Variants in FRMD5 observed in about 807,000 individuals in gnomAD.
FRMD5 encodes the protein FERM domain containing 5.
Under a neutral mutation model 69.0 loss-of-function variants are expected in FRMD5, and 20 were observed. The ratio of observed to expected loss-of-function variants is 0.29; its 90% CI spans 0.20 to 0.42. FRMD5 has a LOEUF of 0.42. Among genes scored for constraint, FRMD5 ranks in the 10% least tolerant of loss-of-function variants. The probability of loss-of-function intolerance (pLI) is 1.00; values close to 1 mark genes in which losing one functional copy is unlikely to be tolerated. For synonymous variants in FRMD5, 271 were observed against 260.1 expected, an observed-to-expected ratio of 1.04 and a Z score of -0.40; for missense variants, 595 against 708.6, an observed-to-expected ratio of 0.84 and a Z score of 1.82.
chr15:43,885,037 A>G, intron 11 of FRMD5: 1 of 453,942 alleles, frequency 2.2e-6, no homozygotes, highest in Non-Finnish European at 3.9e-6. Flanking sequence ...ATTCTCATTT[A>G]GGAGTAATTC....
chr15:43,952,618 C>A (rs2090054319), intron 1 of FRMD5, among the ~76,000 whole-genome samples: 3 of 152,204 alleles, frequency 2.0e-5, no homozygotes, highest in African/African-American at 7.2e-5. Flanking sequence ...ATGAACACTG[C>A]ACTTTCTTGA....
chr15:43,971,754 T>G (rs1351674684), intron 1 of FRMD5, among the ~76,000 whole-genome samples: 1 of 151,758 alleles, frequency 6.6e-6, no homozygotes, highest in Non-Finnish European at 1.5e-5. Flanking sequence ...TTGCCCAGGC[T>G]GGAGTGCAAT....
chr15:43,951,980 TTGTGTGTGTGTGTGTGTGTCTG>T (rs1179250249), intron 1 of FRMD5, among the ~76,000 whole-genome samples: 4 of 107,710 alleles, frequency 3.7e-5, no homozygotes, highest in East Asian at 2.4e-4. Flanking sequence ...TGTGTGTGTG[TTGTGTGTGTGTGTGTGTGTCTG>T]TGTGTGTGTG....
At chr15:44,137,944 G>T (rs1268004224) in intron 1 of FRMD5, among the ~76,000 whole-genome samples, 2 of 152,134 alleles carry the variant, frequency 1.3e-5, no homozygotes, top group Non-Finnish European at 2.9e-5. Flanking sequence ...CAATAAAACA[G>T]GCAGGAGGCA....
chr15:43,966,802 T>C (rs2090302024), intron 1 of FRMD5, among the ~76,000 whole-genome samples: 1 of 152,174 alleles, frequency 6.6e-6, no homozygotes, highest in African/African-American at 2.4e-5. Flanking sequence ...AAATTAGATT[T>C]AATTCCTTGG....
At chr15:44,088,873 T>G (rs1894314129) in intron 1 of FRMD5, among the ~76,000 whole-genome samples, 1 of 152,174 alleles carries the variant, frequency 6.6e-6, no homozygotes. Flanking sequence ...CCCTGTTCAG[T>G]CTGACTACAA....
intron 1 of FRMD5, among the ~76,000 whole-genome samples, chr15:43,926,158 G>A (rs1328839155): frequency 2.0e-5 from 3 of 152,310 alleles, no homozygotes; most frequent in African/African-American, 7.2e-5. Context: ...GAAAAGCTAG[G>A]CCGTTTATAA....
intron 1 of FRMD5, among the ~76,000 whole-genome samples, chr15:43,988,044 A>C (rs887586238): frequency 2.0e-5 from 3 of 152,136 alleles, no homozygotes; most frequent in African/African-American, 7.2e-5. Flanking sequence ...CACAGTTCAC[A>C]ATGGGGTTCA....
chr15:43,957,617 T>C (rs934782166), intron 1 of FRMD5, among the ~76,000 whole-genome samples: 1 of 152,256 alleles, frequency 6.6e-6, no homozygotes, highest in Admixed American at 6.5e-5. Flanking sequence ...TCAGAAGGTA[T>C]TCAGACATTT....
chr15:44,054,590 T>C (rs777087959), intron 1 of FRMD5, among the ~76,000 whole-genome samples: 2 of 152,220 alleles, frequency 1.3e-5, no homozygotes, highest in Non-Finnish European at 2.9e-5. Flanking sequence ...ATTCTAGCTA[T>C]AATAATTCTA....
At chr15:44,099,664 T>G (rs975435694) in intron 1 of FRMD5, among the ~76,000 whole-genome samples, 1 of 152,210 alleles carries the variant, frequency 6.6e-6, no homozygotes, top group African/African-American at 2.4e-5. Flanking sequence ...TGGAGATTGT[T>G]TGTTGCCAAG....
chr15:43,989,925 C>G, intron 1 of FRMD5: 1 of 1,143,482 alleles, frequency 8.7e-7, no homozygotes, highest in Non-Finnish European at 1.3e-6. Flanking sequence ...AGGTGTGGTG[C>G]CAGATCTTCT....
At chr15:43,985,073 G>A (rs1889321585) in intron 1 of FRMD5, among the ~76,000 whole-genome samples, 1 of 151,536 alleles carries the variant, frequency 6.6e-6, no homozygotes, top group South Asian at 2.1e-4. Flanking sequence ...GAGGTCAGGA[G>A]ATCAAGACCA....
In FRMD5 at chr15:43,941,108, C is replaced by T. The variant is rs182413021; in HGVS notation, c.103-16799G>A. ...TTTGGGCCAGGCAGAGTGGCTTACA[C>T]CTGTAATCTCAGCACTTTGGGAGGC... On this transcript the variant is annotated intron_variant, in intron 1 of 13. Coordinates refer to ENST00000417257, the MANE Select transcript of FRMD5 (RefSeq NM_032892.5). 1.7e-4 allele frequency among the ~76,000 whole-genome samples: 26 copies of T among 152,302 alleles called. No homozygotes were observed. In the South Asian group the frequency reaches 1.9e-3, roughly 11 times the overall value.
chr15:44,117,997 T>TAC (rs947194468), intron 1 of FRMD5, among the ~76,000 whole-genome samples: 6 of 135,418 alleles, frequency 4.4e-5, no homozygotes, highest in Admixed American at 1.5e-4. Context: ...TTTACTTTTT[T>TAC]TTTTTTTTTT....
chr15:44,042,842 G>A (rs867302290), intron 1 of FRMD5, among the ~76,000 whole-genome samples: 2 of 152,210 alleles, frequency 1.3e-5, no homozygotes, highest in Non-Finnish European at 2.9e-5. Context: ...GCAAAAACTG[G>A]AAGCATTCCC....
At chr15:43,941,239 G>C (rs2089858132) in intron 1 of FRMD5, among the ~76,000 whole-genome samples, 1 of 152,144 alleles carries the variant, frequency 6.6e-6, no homozygotes, top group African/African-American at 2.4e-5. Context: ...GTGGTAACGT[G>C]TGCCTGTAGT....
intron 1 of FRMD5, among the ~76,000 whole-genome samples, chr15:44,095,206 CTTTT>C (rs112078242): frequency 7.0e-6 from 1 of 142,912 alleles, no homozygotes; most frequent in East Asian, 2.0e-4. Context: ...CAATTTCTTT[CTTTT>C]TTTTTTTTTT....
intron 1 of FRMD5, among the ~76,000 whole-genome samples, chr15:43,990,774 T>G (rs908455773): frequency 1.3e-5 from 2 of 152,088 alleles, no homozygotes; most frequent in Non-Finnish European, 2.9e-5. Flanking sequence ...AAACTGGCCA[T>G]AGAAAAACTG....
Sources: allele counts gnomAD v4.1 joint callset (sites outside exome capture counted in the v4.1 genomes callset), GRCh38; gene constraint gnomAD v4.1.1; transcripts MANE v1.5; gene names NCBI Gene and HGNC (gene_info 2026-07-23, HGNC 2026-07-21).